The following RGS7 variants were observed in gnomAD, a reference collection of about 807,000 sequenced individuals.
RGS7 encodes the protein regulator of G-protein signaling 7.
RGS7 carries 27 observed loss-of-function variants against 81.1 expected under a neutral mutation model. The observed-to-expected ratio is 0.33, with a 90% CI of 0.25 to 0.46. RGS7 has a LOEUF of 0.46. RGS7 is among the 20% of genes least tolerant of loss of function. The probability of loss-of-function intolerance (pLI) is 1.00; values close to 1 mark genes in which losing one functional copy is unlikely to be tolerated. For missense variants in RGS7, 396 were observed against 607.4 expected, an observed-to-expected ratio of 0.65 and a Z score of 3.66; for synonymous variants, 208 against 207.7, an observed-to-expected ratio of 1.00 and a Z score of -0.01.
chr1:241,206,931 T>C (rs2073924232), intron 2 of RGS7, among the ~76,000 whole-genome samples: 1 of 146,898 alleles, frequency 6.8e-6, no homozygotes, highest in Admixed American at 6.8e-5. Context: ...TCCCTCTCTC[T>C]CTCCTTTTCT....
chr1:241,072,936 C>A (rs1032426977), intron 3 of RGS7, among the ~76,000 whole-genome samples: 1 of 152,082 alleles, frequency 6.6e-6, no homozygotes, highest in Non-Finnish European at 1.5e-5. Context: ...TGTGGCCTCC[C>A]TGGGAGGCTG....
chr1:240,960,217 C>CTTTTTTTTTTTTT (rs750366747), intron 4 of RGS7, among the ~76,000 whole-genome samples: 19 of 8,956 alleles, frequency 2.1e-3, no homozygotes, highest in African/African-American at 5.6e-3. Context: ...TCTTCTTCTT[C>CTTTTTTTTTTTTT]TTTTTTTTTT....
intron 2 of RGS7, among the ~76,000 whole-genome samples, chr1:241,182,208 G>A (rs1166428877): frequency 1.3e-5 from 2 of 152,178 alleles, no homozygotes; most frequent in Non-Finnish European, 2.9e-5. Flanking sequence ...GCACAGCTCA[G>A]CTACTGTCCG....
intron 2 of RGS7, among the ~76,000 whole-genome samples, chr1:241,332,145 T>C (rs1198663894): frequency 1.3e-5 from 2 of 152,134 alleles, no homozygotes; most frequent in Admixed American, 1.3e-4. Context: ...GGAACAGTAA[T>C]GGAAATCGTA....
intron 3 of RGS7, among the ~76,000 whole-genome samples, chr1:241,070,250 T>C (rs1224140339): frequency 6.7e-6 from 1 of 150,318 alleles, no homozygotes; most frequent in Non-Finnish European, 1.5e-5. Flanking sequence ...TGCTTGCTGA[T>C]AGCTTGCAGT....
chr1:240,878,815 T>G (rs1240565266), intron 6 of RGS7, among the ~76,000 whole-genome samples: 1 of 152,188 alleles, frequency 6.6e-6, no homozygotes, highest in Non-Finnish European at 1.5e-5. Context: ...CCAGGCTGTT[T>G]TCAATAGATG....
At chr1:241,329,440 A>G (rs111875105) in intron 2 of RGS7, among the ~76,000 whole-genome samples, 2,746 of 152,276 alleles carry the variant, frequency 0.018, 86 homozygotes, top group African/African-American at 0.062. Context: ...GCCCAGTTAT[A>G]CTGCCTGGGA....
chr1:241,043,632 ATAT>A (rs1181475719), intron 3 of RGS7, among the ~76,000 whole-genome samples: 8 of 147,488 alleles, frequency 5.4e-5, no homozygotes, highest in South Asian at 2.1e-4. Context: ...TATATAATAC[ATAT>A]TATAATACAT....
intron 3 of RGS7, among the ~76,000 whole-genome samples, chr1:241,079,130 C>G (rs942688303): frequency 2.6e-5 from 4 of 152,184 alleles, no homozygotes; most frequent in African/African-American, 9.6e-5. Context: ...GTTCCTATCT[C>G]TCTAGTGTTC....
At chr1:241,287,345 G>A (rs562112573) in intron 2 of RGS7, among the ~76,000 whole-genome samples, 19 of 152,178 alleles carry the variant, frequency 1.2e-4, no homozygotes, top group African/African-American at 3.6e-4. Flanking sequence ...TCATGGAGGC[G>A]GGTCTTTCCT....
intron 2 of RGS7, among the ~76,000 whole-genome samples, chr1:241,101,879 C>T (rs995896196): frequency 6.6e-6 from 1 of 152,206 alleles, no homozygotes; most frequent in Non-Finnish European, 1.5e-5. Flanking sequence ...ACCTCTGCTT[C>T]GGGCTGAATT....
rs560688607 is a variant in RGS7 at position 240,816,433 on chromosome 1, A to G, written c.685-18T>C. ...TAGACAGACTATATTAAAATAAAAA[A>G]TAAACATTTTAGGACAAAATACCGT... On this transcript the variant is annotated intron_variant, in intron 10 of 18. Coordinates refer to ENST00000440928, the MANE Select transcript of RGS7 (RefSeq NM_001364886.1). The G allele has an allele frequency of 6.6e-7, 1 of 1,506,404 alleles. No individual in the cohort carries two copies. Among genetic ancestry groups the G allele is most frequent in the Non-Finnish European group, 9.2e-7 (1 of 1,082,128 alleles). 93.3% of individuals were successfully genotyped at this position (1,506,404 alleles called of 1,614,324 possible). A position where few individuals can be genotyped will look rare whatever the true frequency, so the allele number is the denominator to read the frequency against.
rs144950959 is a variant in RGS7 at position 241,331,953 on chromosome 1, T to C, written c.78+23746A>G. ...AACCTGCTGGCCTGGGAATGTTTAA[T>C]TTGTAATGGACTAAGAGAACAATCG... On this transcript the variant is annotated intron_variant, in intron 2 of 18. Transcript: ENST00000440928. Among the ~76,000 whole-genome samples the C allele has an allele frequency of 6.8e-3, 1,034 of 152,348 alleles. 9 individuals are homozygous for C. The highest frequency in any genetic ancestry group is 0.01 in the Middle Eastern group (3 of 294).
chr1:240,920,606 AT>A, intron 6 of RGS7: 1 of 1,052,588 alleles, frequency 9.5e-7, no homozygotes, highest in Non-Finnish European at 1.5e-6. Context: ...GTGGCAGAAG[AT>A]TTTAATTAGG....
chr1:240,779,486 T>C (rs916839860), intron 18 of RGS7, among the ~76,000 whole-genome samples: 1 of 142,746 alleles, frequency 7.0e-6, no homozygotes, highest in African/African-American at 3.0e-5. Flanking sequence ...CGAAGGAAGC[T>C]TGTTTGCCCC....
intron 2 of RGS7, among the ~76,000 whole-genome samples, chr1:241,325,160 G>A (rs544058825): frequency 6.6e-6 from 1 of 152,148 alleles, no homozygotes; most frequent in African/African-American, 2.4e-5. Context: ...TGCTACGGGG[G>A]AAACCCAATT....
At chr1:240,992,050 G>A (rs1686531734) in intron 3 of RGS7, among the ~76,000 whole-genome samples, 1 of 152,196 alleles carries the variant, frequency 6.6e-6, no homozygotes, top group African/African-American at 2.4e-5. Context: ...TCTGTTGACA[G>A]GTAGAGATAA....
At chr1:240,925,800 T>C (rs1674340882) in intron 6 of RGS7, among the ~76,000 whole-genome samples, 1 of 152,146 alleles carries the variant, frequency 6.6e-6, no homozygotes, top group Non-Finnish European at 1.5e-5. Flanking sequence ...TATTTATTGA[T>C]TTTTTAGTAA....
chr1:240,910,784 C>T (rs1040640902), intron 6 of RGS7, among the ~76,000 whole-genome samples: 3 of 152,020 alleles, frequency 2.0e-5, no homozygotes, highest in Admixed American at 6.6e-5. Context: ...GTGGTGTCAT[C>T]TCAGCTCACT....
Sources: gnomAD v4.1 joint callset for allele counts (sites outside exome capture counted in the v4.1 genomes callset) on GRCh38, gnomAD v4.1.1 for gene constraint, MANE v1.5 for transcripts, NCBI Gene and HGNC (gene_info 2026-07-23, HGNC 2026-07-21) for gene names.